The following RUNX3 variants were observed in gnomAD, a reference collection of about 807,000 sequenced individuals.
RUNX3 encodes the protein RUNX family transcription factor 3.
In RUNX3, 10 loss-of-function variants were observed where a neutral mutation model predicts 27.7. The observed-to-expected ratio is 0.36, with a 90% CI of 0.22 to 0.61. The LOEUF is 0.61. RUNX3 is among the 20% of genes least tolerant of loss of function. The pLI, the probability that RUNX3 is intolerant of heterozygous loss-of-function variation, is 0.72. For synonymous variants in RUNX3, 270 were observed against 269.2 expected, an observed-to-expected ratio of 1.00 and a Z score of -0.03; for missense variants, 469 against 629.5, an observed-to-expected ratio of 0.75 and a Z score of 2.73.
intron 3 of RUNX3, among the ~76,000 whole-genome samples, chr1:24,915,689 G>A (rs1640875856): frequency 6.6e-6 from 1 of 152,082 alleles, no homozygotes. Flanking sequence ...AAAAAGAGCA[G>A]TGCAAAGGCC....
At position 24,900,793 on chromosome 1, in the gene RUNX3, G is replaced by A. The variant is rs2124229701; in HGVS notation, c.*1329C>T. ...GGGGAGCCTGTGGTGCAGGCTGGTG[G>A]GATGCTGCCTGATGGGGAGTGTAGC... On this transcript the variant is annotated 3_prime_UTR_variant, in exon 5 of 5. Transcript: ENST00000308873. 6.6e-6 allele frequency: 1 copy of A among 152,390 alleles called. No homozygotes were observed. The highest frequency in any genetic ancestry group is 1.9e-4 in the East Asian group (1 of 5,204). The allele number at this position is 152,390 out of a possible 1,614,324, so 9.4% of individuals were successfully genotyped here.
At chr1:24,957,924 G>A (rs1321393991) in intron 2 of RUNX3, among the ~76,000 whole-genome samples, 1 of 152,266 alleles carries the variant, frequency 6.6e-6, no homozygotes, top group Non-Finnish European at 1.5e-5. Context: ...TCCGAAGAGT[G>A]CCTTCCTTTA....
chr1:24,924,860 C>T (rs1437109657), intron 2 of RUNX3, among the ~76,000 whole-genome samples: 1 of 152,120 alleles, frequency 6.6e-6, no homozygotes, highest in Non-Finnish European at 1.5e-5. Context: ...GGGACCTCAG[C>T]CCTAATCACT....
chr1:24,931,862 C>T (rs1641237483), upstream of RUNX3, among the ~76,000 whole-genome samples: 1 of 152,232 alleles, frequency 6.6e-6, no homozygotes, highest in Non-Finnish European at 1.5e-5. Context: ...CCTTACTGAA[C>T]CTTTTAAGAG....
chr1:24,951,888 T>G (rs765521479), intron 2 of RUNX3, among the ~76,000 whole-genome samples: 11 of 152,124 alleles, frequency 7.2e-5, no homozygotes, highest in Non-Finnish European at 1.6e-4. Flanking sequence ...GTATATCACT[T>G]GAGCCTGGGA....
rs974202616 is a variant in RUNX3, at chr1:24,930,058, G to A, written c.-190C>T. Reference sequence around the variant, plus strand: ...CAGGGCCCGCCCGCTGCGAGGCCTCGCTGGCCCGACGGCCGCCCGCAGCCT... The same window carrying A: ...CAGGGCCCGCCCGCTGCGAGGCCTCACTGGCCCGACGGCCGCCCGCAGCCT... On this transcript the variant is annotated 5_prime_UTR_variant, in exon 1 of 5. Coordinates refer to ENST00000308873, the MANE Select transcript of RUNX3 (RefSeq NM_004350.3). The surrounding 1 kb of genome is among the most constrained non-coding windows in gnomAD (Gnocchi z 4.1). The A allele has an allele frequency of 1.0e-6, 1 of 980,452 alleles. No individual in the cohort carries two copies. The highest frequency in any genetic ancestry group is 1.8e-5 in the African/African-American group (1 of 56,678). The allele number at this position is 980,452 out of a possible 1,614,324, so 60.7% of individuals were successfully genotyped here.
intron 3 of RUNX3, among the ~76,000 whole-genome samples, chr1:24,914,525 G>A (rs1243328019): frequency 1.3e-5 from 2 of 152,230 alleles, no homozygotes; most frequent in Non-Finnish European, 2.9e-5. Flanking sequence ...GCTGGGCAGG[G>A]AAACGGGCTG....
intron 2 of RUNX3, among the ~76,000 whole-genome samples, chr1:24,954,911 C>T (rs1214255545): frequency 6.6e-6 from 1 of 152,184 alleles, no homozygotes; most frequent in Non-Finnish European, 1.5e-5. Context: ...CTTTGCCCCA[C>T]ATCACGGCCC....
At chr1:24,964,607 T>A (rs1312901115) in exon 2 of RUNX3, 2 of 1,594,040 alleles carry the variant, frequency 1.3e-6, no homozygotes, top group Admixed American at 3.5e-5. Context: ...TTTCAGCCCT[T>A]CAGGGGGTTG....
rs114698934 is a variant in RUNX3 at position 24,909,309 on chromosome 1, T to C, written c.545-1892A>G. On this transcript the variant is annotated intron_variant, in intron 3 of 4. Coordinates refer to ENST00000308873, the MANE Select transcript of RUNX3 (RefSeq NM_004350.3). Reference sequence around the variant, plus strand: ...CTCTGTCCACCGCTCTAAGCTCCTCTCCAGAGTCCCCACCGTGACCAGTTT... The same window carrying C: ...CTCTGTCCACCGCTCTAAGCTCCTCCCCAGAGTCCCCACCGTGACCAGTTT... Among the ~76,000 whole-genome samples the C allele has an allele frequency of 6.1e-3, 931 of 152,282 alleles. 11 individuals carry two copies. The highest frequency in any genetic ancestry group is 0.021 in the African/African-American group (888 of 41,558).
chr1:24,964,263 A>C (rs1262125701), intron 2 of RUNX3, among the ~76,000 whole-genome samples: 1 of 152,146 alleles, frequency 6.6e-6, no homozygotes, highest in Non-Finnish European at 1.5e-5. Flanking sequence ...TGAGGTCTTG[A>C]GGTCTTGGAG....
chr1:24,919,512 G>C, intron 2 of RUNX3, 168 bp from the exon 3 acceptor site: 2 of 519,272 alleles, frequency 3.9e-6, no homozygotes, highest in Admixed American at 3.8e-5. Context: ...TCAAGCTCTT[G>C]GGCTTGGCAT....
At chr1:24,918,444 G>A (rs1557841663) in intron 3 of RUNX3, among the ~76,000 whole-genome samples, 1 of 152,188 alleles carries the variant, frequency 6.6e-6, no homozygotes, top group Non-Finnish European at 1.5e-5. Context: ...ACTGCTAAAA[G>A]GTCTTCTAAA....
intron 2 of RUNX3, among the ~76,000 whole-genome samples, chr1:24,963,319 C>T (rs1220115745): frequency 1.3e-5 from 2 of 152,220 alleles, no homozygotes; most frequent in African/African-American, 2.4e-5. Flanking sequence ...CTGAATCACT[C>T]GGTCAGCCAG....
Position 24,904,794 on chromosome 1 carries a change from G to A in RUNX3, c.704-2128C>T, listed in dbSNP as rs989623749. Among the ~76,000 whole-genome samples, 2 of 152,024 alleles carry A rather than the reference G, an allele frequency of 1.3e-5. No individual in the cohort carries two copies. The highest frequency in any genetic ancestry group is 2.9e-5 in the Non-Finnish European group (2 of 67,958). On this transcript the variant is annotated intron_variant, in intron 4 of 4. Transcript: ENST00000308873. This position sits in a 1 kb window ranked among gnomAD's most constrained non-coding sequence, Gnocchi z 5.7. ...AGGGCCACCACCCCTCCTCCGGGGT[G>A]GTGGGGGAAGTACCTGCCCTCAGCA...
intron 3 of RUNX3, among the ~76,000 whole-genome samples, chr1:24,908,233 T>TGATCCGAACCTCTAC (rs1640720619): frequency 1.4e-5 from 1 of 72,518 alleles, no homozygotes; most frequent in African/African-American, 5.3e-5. Flanking sequence ...TGAACCTCTA[T>TGATCCGAACCTCTAC]GACACGCGGT....
rs540821096 is a variant in RUNX3 at position 24,964,374 on chromosome 1, C to T, written c.58+140G>A. The T allele has an allele frequency of 7.8e-5, 55 of 704,038 alleles. No individual in the cohort carries two copies. In the South Asian group the frequency reaches 8.5e-4, roughly 11 times the overall value. 43.6% of individuals were successfully genotyped at this position (704,038 alleles called of 1,614,324 possible). The stretch of plus-strand genomic sequence containing the variant: ...ACCACAGAGACCACCAACCCCTCTT[C>T]CCACCTCAGGCTTTCAGAGGCCAGC... On this transcript the variant is annotated intron_variant, in intron 2 of 6. Transcript: ENST00000338888.
intron 2 of RUNX3, among the ~76,000 whole-genome samples, chr1:24,937,119 AG>A (rs993794380): frequency 1.3e-5 from 2 of 152,048 alleles, no homozygotes; most frequent in Non-Finnish European, 2.9e-5. Flanking sequence ...TCCTGGGGAG[AG>A]GGAGTGACCC....
chr1:24,958,258 G>C (rs1245483369), intron 2 of RUNX3, among the ~76,000 whole-genome samples: 1 of 152,212 alleles, frequency 6.6e-6, no homozygotes, highest in Non-Finnish European at 1.5e-5. Context: ...GAGACCTTAA[G>C]AGGTGAATTA....
Sources: gnomAD v4.1 joint callset for allele counts (sites outside exome capture counted in the v4.1 genomes callset) on GRCh38, gnomAD v4.1.1 for gene constraint, Gnocchi (gnomAD v3.1) non-coding constraint, MANE v1.5 for transcripts, NCBI Gene and HGNC (gene_info 2026-07-23, HGNC 2026-07-21) for gene names.